SOX5: variants seen among roughly 807,000 people sequenced by gnomAD.
SOX5 encodes the protein transcription factor SOX-5.
A neutral mutation model predicts 92.0 loss-of-function variants in SOX5; 9 were observed. The observed-to-expected ratio is 0.10, with a 90% confidence interval of 0.06 to 0.17. The LOEUF (loss-of-function observed/expected upper bound fraction) is 0.17. SOX5 is among the 10% of genes least tolerant of loss of function. The probability of loss-of-function intolerance (pLI) is 1.00; values close to 1 mark genes in which losing one functional copy is unlikely to be tolerated. For missense variants in SOX5, 642 were observed against 944.5 expected (o/e 0.68, Z 4.20); for synonymous variants, 344 against 336.3 (o/e 1.02, Z -0.25).
At chr12:23,911,907 C>T (rs1016328295) in intron 1 of SOX5, among the ~76,000 whole-genome samples, 10 of 152,164 alleles carry the variant, frequency 6.6e-5, no homozygotes, top group East Asian at 5.8e-4. Context: ...TTGCTACATT[C>T]GACACCAAAC....
intron 2 of SOX5, among the ~76,000 whole-genome samples, chr12:23,867,965 T>A (rs1242819871): frequency 2.0e-5 from 3 of 152,014 alleles, no homozygotes; most frequent in Non-Finnish European, 4.4e-5. Context: ...AATTTAAGGA[T>A]GTGAAGAAAT....
chr12:24,227,775 G>C (rs140951050), intron 3 of SOX5: 1 of 152,048 alleles, frequency 6.6e-6, no homozygotes, highest in African/African-American at 2.4e-5. Context: ...GATTCAGCAC[G>C]GTATCCTTCG....
intron 1 of SOX5, among the ~76,000 whole-genome samples, chr12:23,903,440 C>G (rs548961065): frequency 6.6e-6 from 1 of 152,016 alleles, no homozygotes. Context: ...CAAAATTAGC[C>G]GGGTATGATG....
At chr12:24,270,066 CTT>C (rs35276785) in intron 3 of SOX5, among the ~76,000 whole-genome samples, 1 of 151,092 alleles carries the variant, frequency 6.6e-6, no homozygotes, top group Non-Finnish European at 1.5e-5. Flanking sequence ...GTGGGAAACT[CTT>C]TTTCTTTTTT....
chr12:23,743,455 G>T (rs539583953), intron 4 of SOX5, among the ~76,000 whole-genome samples: 1 of 151,852 alleles, frequency 6.6e-6, no homozygotes, highest in Admixed American at 6.6e-5. Context: ...GATTACAGGC[G>T]CATGCCACCA....
chr12:24,282,053 A>G (rs1945273184), intron 2 of SOX5, among the ~76,000 whole-genome samples: 1 of 152,192 alleles, frequency 6.6e-6, no homozygotes, highest in Non-Finnish European at 1.5e-5. Context: ...GAATTTTAAA[A>G]CTAGGAGGAG....
At chr12:23,891,447 C>T (rs2097128709) in intron 2 of SOX5, among the ~76,000 whole-genome samples, 1 of 152,174 alleles carries the variant, frequency 6.6e-6, no homozygotes, top group Non-Finnish European at 1.5e-5. Context: ...GAAAGCATTT[C>T]TCCATAACTT....
chr12:23,778,750 GA>G (rs1339541536), intron 3 of SOX5, among the ~76,000 whole-genome samples: 1 of 152,100 alleles, frequency 6.6e-6, no homozygotes, highest in African/African-American at 2.4e-5. Flanking sequence ...TAGAGCTCTG[GA>G]TACTTGAAGA....
At chr12:24,020,233 C>T (rs144120216) in intron 4 of SOX5, among the ~76,000 whole-genome samples, 1 of 152,254 alleles carries the variant, frequency 6.6e-6, no homozygotes, top group Admixed American at 6.5e-5. Flanking sequence ...TAACCAACCC[C>T]TGATGCCCCA....
At chr12:24,320,888 A>T (rs1210953880) in intron 2 of SOX5, among the ~76,000 whole-genome samples, 1 of 151,462 alleles carries the variant, frequency 6.6e-6, no homozygotes, top group Admixed American at 6.6e-5. Context: ...AATAATAATA[A>T]TAATAATAAT....
intron 4 of SOX5, among the ~76,000 whole-genome samples, chr12:24,178,850 A>G (rs1955135978): frequency 6.6e-6 from 1 of 152,220 alleles, no homozygotes; most frequent in Non-Finnish European, 1.5e-5. Context: ...CAGCTAGTGT[A>G]TTCATCTAAG....
intron 1 of SOX5, among the ~76,000 whole-genome samples, chr12:23,924,227 T>C (rs1939294537): frequency 6.6e-6 from 1 of 152,216 alleles, no homozygotes; most frequent in African/African-American, 2.4e-5. Flanking sequence ...ACATCAGAGA[T>C]TAAGCTGCGA....
Position 24,542,380 on chromosome 12 carries a change from A to G in SOX5, c.-251+19949T>C, listed in dbSNP as rs1287056928. On this transcript the variant is annotated intron_variant, in intron 1 of 4. Coordinates refer to the SOX5 transcript ENST00000446891. ...TGGGACTTTCAGAATAAAACAGGCT[A>G]CTCTATGTATCCTTACAGCTGCCTG... 3.3e-5 allele frequency among the ~76,000 whole-genome samples: 5 copies of G among 152,272 alleles called. No homozygotes were observed. In the East Asian group the frequency reaches 9.6e-4, roughly 29 times the overall value.
At chr12:24,000,359 T>C (rs1951480782) in intron 4 of SOX5, among the ~76,000 whole-genome samples, 1 of 151,986 alleles carries the variant, frequency 6.6e-6, no homozygotes, top group Admixed American at 6.6e-5. Flanking sequence ...AAGCAATAAT[T>C]ATAACATTGT....
chr12:24,281,256 A>C (rs931795272), intron 2 of SOX5, among the ~76,000 whole-genome samples: 18 of 151,748 alleles, frequency 1.2e-4, no homozygotes, highest in Non-Finnish European at 2.5e-4. Context: ...AAAAAAAAAA[A>C]ACTGTTGTTC....
At chr12:23,655,438 G>A (rs1048292423) in intron 7 of SOX5, among the ~76,000 whole-genome samples, 48 of 152,074 alleles carry the variant, frequency 3.2e-4, no homozygotes, top group Admixed American at 3.1e-3. Flanking sequence ...GAATGGTCCC[G>A]AGAAAATTCA....
At chr12:24,456,597 A>T (rs142345075) in intron 1 of SOX5, among the ~76,000 whole-genome samples, 3 of 152,308 alleles carry the variant, frequency 2.0e-5, no homozygotes, top group Non-Finnish European at 2.9e-5. Context: ...GCCTGTTCTT[A>T]CTTAACAAAT....
chr12:23,544,259 T>C (rs1238541063), intron 12 of SOX5, among the ~76,000 whole-genome samples: 1 of 152,214 alleles, frequency 6.6e-6, no homozygotes, highest in African/African-American at 2.4e-5. Flanking sequence ...TCCAGCCTTA[T>C]GTGACCCCTT....
chr12:24,513,491 G>A (rs1323223608), intron 1 of SOX5, among the ~76,000 whole-genome samples: 2 of 152,090 alleles, frequency 1.3e-5, no homozygotes, highest in Non-Finnish European at 2.9e-5. Context: ...AGTACACTAG[G>A]GAATAATTAA....
Sources: allele counts gnomAD v4.1 joint callset (sites outside exome capture counted in the v4.1 genomes callset), GRCh38; gene constraint gnomAD v4.1.1; transcripts MANE v1.5; gene names NCBI Gene and HGNC (gene_info 2026-07-23, HGNC 2026-07-21).